The following LOXL3 variants were observed in gnomAD, a reference collection of about 807,000 sequenced individuals.
The protein encoded by LOXL3 is lysyl oxidase homolog 3.
Under a neutral mutation model 91.8 loss-of-function variants are expected in LOXL3, and 60 were observed. The observed-to-expected ratio is 0.65, with a 90% confidence interval of 0.53 to 0.81. The LOEUF (loss-of-function observed/expected upper bound fraction) is 0.81, where lower values mean the gene tolerates loss of function less well. LOXL3 is among the 30% of genes least tolerant of loss of function. The pLI, the probability that LOXL3 is intolerant of heterozygous loss-of-function variation, is 0.00. For missense variants in LOXL3, 874 were observed against 1,000.4 expected, an observed-to-expected ratio of 0.87 and a Z score of 1.70; for synonymous variants, 355 against 387.6, an observed-to-expected ratio of 0.92 and a Z score of 0.99.
chr2:74,536,791 GCAGGGCCCCCCC>G lies in LOXL3; in HGVS notation c.818_829del (p.Gly273_Pro276del), dbSNP rs1454527774. The G allele has an allele frequency of 6.2e-7, 1 of 1,614,094 alleles. No individual in the cohort carries two copies. Among genetic ancestry groups the G allele is most frequent in the Non-Finnish European group, 8.5e-7 (1 of 1,180,032 alleles). On this transcript the variant is annotated inframe_deletion, in exon 5 of 14. Coordinates refer to ENST00000264094, the MANE Select transcript of LOXL3 (RefSeq NM_032603.5). The surrounding 1 kb of genome is among the most constrained non-coding windows in gnomAD (Gnocchi z 4.5). ...AGGGCCTGGCACACAGCTCACCACT[GCAGGGCCCCCCC>G]CAGGGCACCTGGCGGTGTCATTGGC...
rs1676027518 is a variant in LOXL3, at chr2:74,536,434, T to G, written c.950A>C (p.Glu317Ala). 1.9e-6 allele frequency: 3 copies of G among 1,613,706 alleles called. No individual in the cohort carries two copies. The highest frequency in any genetic ancestry group is 2.5e-6 in the Non-Finnish European group (3 of 1,179,998). ...GGCCTTCAGGACTTCTACCCGGCCCTCTCCAGGGTGGGCGCCGCCCTTTAG... is the reference window on the plus strand; with the variant it reads ...GGCCTTCAGGACTTCTACCCGGCCCGCTCCAGGGTGGGCGCCGCCCTTTAG... ...VRLKGGAHPG[E>A]GRVEVLKAST... The change falls in exon 6 of 14, where the codon GAG (glutamate) becomes GCG (alanine). Residue 317 changes from glutamate to alanine, a missense_variant. Glu to Ala is a moderately radical substitution (Grantham distance 107). Coordinates refer to ENST00000264094, the MANE Select transcript of LOXL3 (RefSeq NM_032603.5). The surrounding 1 kb of genome is among the most constrained non-coding windows in gnomAD (Gnocchi z 4.5).
chr2:74,555,176 T>C, upstream of LOXL3: 1 of 1,613,010 alleles, frequency 6.2e-7, no homozygotes, highest in South Asian at 1.1e-5. The surrounding 1 kb of genome is among the most constrained non-coding windows in gnomAD (Gnocchi z 6.1). Context: ...ACCTGGGCCG[T>C]GCTCTACCCG....
Position 74,532,699 on chromosome 2 carries a change from G to C in LOXL3, c.*907C>G, listed in dbSNP as rs1675700935. On this transcript the variant is annotated 3_prime_UTR_variant, in exon 14 of 14. Coordinates refer to ENST00000264094, the MANE Select transcript of LOXL3 (RefSeq NM_032603.5). ...GTACTCATCCATAAAGTCATCCTGG[G>C]CTCCCCTGCACACCGGTGAGGGAGA... The C allele has an allele frequency of 5.0e-6, 8 of 1,613,902 alleles. No individual in the cohort carries two copies. Among genetic ancestry groups the C allele is most frequent in the Non-Finnish European group, 5.9e-6 (7 of 1,179,980 alleles).
Position 74,550,310 on chromosome 2 carries a change from C to G in LOXL3, c.352G>C (p.Glu118Gln). ...WLDNLSCSGT[E>Q]QSVTECASRG... The stretch of plus-strand genomic sequence containing the variant: ...GAGGCACATTCAGTCACACTCTGCT[C>G]GGTCCCACTGCAGCTCAAGTTGTCC... Residue 118 changes from glutamate to glutamine, a missense_variant, in exon 3 of 14, where the codon GAG (glutamate) becomes CAG (glutamine). Coordinates refer to ENST00000264094, the MANE Select transcript of LOXL3 (RefSeq NM_032603.5). 1.9e-6 allele frequency: 3 copies of G among 1,614,100 alleles called. No individual in the cohort carries two copies. Among genetic ancestry groups the G allele is most frequent in the Non-Finnish European group, 2.5e-6 (3 of 1,179,994 alleles).
rs753894081 is a variant in LOXL3 at position 74,535,312 on chromosome 2, G to A, written c.1559C>T (p.Ala520Val). The change falls in exon 9 of 14, where the codon GCT (alanine) becomes GTT (valine). Residue 520 changes from alanine (A) to valine (V), a missense_variant. Ala to Val is a moderately conservative substitution (Grantham distance 64). Coordinates refer to ENST00000264094, the MANE Select transcript of LOXL3 (RefSeq NM_032603.5). This position sits in a 1 kb window ranked among gnomAD's most constrained non-coding sequence, Gnocchi z 4.2. Reference protein sequence around the residue: ...TCKRTGTRFTAGVICSETASD... With the variant: ...TCKRTGTRFTVGVICSETASD... Reference sequence around the variant, plus strand: ...CTCACTCTCAGAACAGATGACTCCAGCAGTGAAGCGGGTCCCTGTCCTCTT... The same window carrying A: ...CTCACTCTCAGAACAGATGACTCCAACAGTGAAGCGGGTCCCTGTCCTCTT... The A allele has an allele frequency of 7.4e-6, 12 of 1,613,784 alleles. No individual in the cohort carries two copies. The African/African-American group carries it at 1.5e-4, about 20-fold the overall frequency.
Position 74,536,764 on chromosome 2 carries a change from A to G in LOXL3, c.857T>C (p.Val286Ala). ...CTTCTGGCCACTGGATGCCGCGTAGACAGGGCCTGGCACACAGCTCACCAC... is the reference window on the plus strand; with the variant it reads ...CTTCTGGCCACTGGATGCCGCGTAGGCAGGGCCTGGCACACAGCTCACCAC... ...PAVVSCVPGP[V>A]YAASSGQKKQ... is the part of the protein sequence containing the mutation. Residue 286 changes from valine to alanine, a missense_variant, in exon 5 of 14, where the codon GTC becomes GCC. By Grantham distance (64) the Val-to-Ala change is moderately conservative. Coordinates refer to ENST00000264094, the MANE Select transcript of LOXL3 (RefSeq NM_032603.5). The surrounding 1 kb of genome is among the most constrained non-coding windows in gnomAD (Gnocchi z 4.5). 1.9e-6 allele frequency: 3 copies of G among 1,614,158 alleles called. No homozygotes were observed. Among genetic ancestry groups the G allele is most frequent in the Non-Finnish European group, 2.5e-6 (3 of 1,180,010 alleles).
chr2:74,554,846 C>T, upstream of LOXL3: 3 of 1,612,714 alleles, frequency 1.9e-6, no homozygotes, highest in Non-Finnish European at 2.5e-6. The surrounding 1 kb of genome is among the most constrained non-coding windows in gnomAD (Gnocchi z 4.9). Context: ...GAACCTTATC[C>T]GGGCTAGTAG....
rs755514385 is a variant in LOXL3 at position 74,536,975 on chromosome 2, C to T, written c.693-47G>A. ...GCAGTAGGGTAAAACAATGCTCCTGCCTCTTGGCCCCACAAACATCCTCCC... is the reference window on the plus strand; with the variant it reads ...GCAGTAGGGTAAAACAATGCTCCTGTCTCTTGGCCCCACAAACATCCTCCC... On this transcript the variant is annotated intron_variant, in intron 4 of 13. Transcript: ENST00000264094. The surrounding 1 kb of genome is among the most constrained non-coding windows in gnomAD (Gnocchi z 4.5). The T allele has an allele frequency of 6.7e-7, 1 of 1,498,410 alleles. No homozygotes were observed. The highest frequency in any genetic ancestry group is 9.2e-7 in the Non-Finnish European group (1 of 1,084,698). The allele number at this position is 1,498,410 out of a possible 1,614,324, so 92.8% of individuals were successfully genotyped here. A position where few individuals can be genotyped will look rare whatever the true frequency, so the allele number is the denominator to read the frequency against.
At chr2:74,546,085 C>G (rs942894289) in intron 4 of LOXL3, among the ~76,000 whole-genome samples, 6 of 152,204 alleles carry the variant, frequency 3.9e-5, no homozygotes, top group African/African-American at 1.4e-4. Flanking sequence ...CTTAACTCCT[C>G]TCTCTCACAT....
intron 2 of LOXL3, 95 bp downstream of exon 2, chr2:74,552,227 G>A (rs1229677100): frequency 7.9e-6 from 9 of 1,136,048 alleles, no homozygotes; most frequent in African/African-American, 4.6e-5. Flanking sequence ...TCTTGGTGTC[G>A]TGTGTCCCTA....
rs756276203 is a variant in LOXL3 at position 74,550,195 on chromosome 2, T to C, written c.467A>G (p.Asn156Ser). The change falls in exon 3 of 14, where the codon AAT becomes AGT. Residue 156 changes from asparagine to serine, a missense_variant. Coordinates refer to ENST00000264094, the MANE Select transcript of LOXL3 (RefSeq NM_032603.5). ...DQRLPGFSDS[N>S]VIEVEHHLQV... is the part of the protein sequence containing the mutation. ...CTAGGAAATGCAGACCTCAATGACA[T>C]TGGAGTCCGAGAAGCCAGGGAGGCG... is the stretch of plus-strand genomic sequence containing the variant. The C allele has an allele frequency of 8.7e-6, 14 of 1,613,388 alleles. No homozygotes were observed. Among genetic ancestry groups the C allele is most frequent in the East Asian group, 6.7e-5 (3 of 44,900 alleles).
Position 74,548,511 on chromosome 2 carries a change from G to T in LOXL3, c.692+858C>A, listed in dbSNP as rs73949681. On this transcript the variant is annotated intron_variant, in intron 4 of 13. Transcript: ENST00000264094. ...ACCCCATCTGAAGTAGTGTGCCCGC[G>T]GAAACCTATCCGGACATCAAGAGGC... 6.9e-3 allele frequency among the ~76,000 whole-genome samples: 1,044 copies of T among 152,204 alleles called. 16 individuals are homozygous for T. Among genetic ancestry groups the T allele is most frequent in the African/African-American group, 0.024 (999 of 41,534 alleles).
chr2:74,536,287 T>C lies in LOXL3; in HGVS notation c.1093+4A>G. 6.2e-7 allele frequency: 1 copy of C among 1,613,334 alleles called. No individual in the cohort carries two copies. Among genetic ancestry groups the C allele is most frequent in the Admixed American group, 1.7e-5 (1 of 59,980 alleles). ...CTCTCCCTCCCACCTCCATGCCACC[T>C]CACCCTGCCCCATGCGAGCGCCACT... On this transcript the variant is annotated splice_donor_region_variant and intron_variant, in intron 6 of 13. Coordinates refer to ENST00000264094, the MANE Select transcript of LOXL3 (RefSeq NM_032603.5). The surrounding 1 kb of genome is among the most constrained non-coding windows in gnomAD (Gnocchi z 4.5).
At chr2:74,541,137 AAATAT>A (rs1308711465) in intron 4 of LOXL3, among the ~76,000 whole-genome samples, 4 of 152,368 alleles carry the variant, frequency 2.6e-5, no homozygotes, top group African/African-American at 9.6e-5. Context: ...CTAAGCAATA[AAATAT>A]AACAACTACT....
At chr2:74,539,281 G>T (rs567948490) in intron 4 of LOXL3, among the ~76,000 whole-genome samples, 1 of 152,252 alleles carries the variant, frequency 6.6e-6, no homozygotes, top group African/African-American at 2.4e-5. Flanking sequence ...GGGCAGCATG[G>T]GGATGGGAAA....
rs528551764 is a variant in LOXL3 at position 74,552,569 on chromosome 2, C to T, written c.66G>A (p.Ser22=). The change falls in exon 2 of 14, where the codon TCG becomes TCA. Residue 22 remains serine (S), a synonymous_variant. Coordinates refer to ENST00000264094, the MANE Select transcript of LOXL3 (RefSeq NM_032603.5). The part of the protein sequence containing the change: ...WGLLLCLLCS[S]CLGSPSPSTG... The stretch of plus-strand genomic sequence containing the variant: ...TGGAAGGGGACGGAGACCCCAAGCA[C>T]GAACTGCACAGCAGGCACAGCAGCA... 106 of 1,609,538 alleles carry T rather than the reference C, an allele frequency of 6.6e-5. No individual in the cohort carries two copies. The highest frequency in any genetic ancestry group is 3.9e-4 in the African/African-American group (29 of 74,978).
chr2:74,539,314 C>T (rs757330743), intron 4 of LOXL3, among the ~76,000 whole-genome samples: 7 of 152,186 alleles, frequency 4.6e-5, no homozygotes, highest in Admixed American at 3.9e-4. Context: ...CCGCATCCAC[C>T]GTCTGCTGAA....
At chr2:74,538,552 C>T (rs1268696758) in intron 4 of LOXL3, among the ~76,000 whole-genome samples, 1 of 152,134 alleles carries the variant, frequency 6.6e-6, no homozygotes, top group Non-Finnish European at 1.5e-5. Flanking sequence ...CTTCCCACTT[C>T]GAGTTCTAAA....
At chr2:74,541,827 T>C (rs2104415123) in intron 4 of LOXL3, among the ~76,000 whole-genome samples, 1 of 150,658 alleles carries the variant, frequency 6.6e-6, no homozygotes, top group East Asian at 1.9e-4. Flanking sequence ...TAAAAGAGTT[T>C]AGACCCTTTT....
Sources: allele counts gnomAD v4.1 joint callset (sites outside exome capture counted in the v4.1 genomes callset), GRCh38; gene constraint gnomAD v4.1.1; non-coding constraint Gnocchi (gnomAD v3.1); transcripts MANE v1.5; gene names NCBI Gene and HGNC (gene_info 2026-07-23, HGNC 2026-07-21).